Variants in FXYD6 observed in about 807,000 individuals in gnomAD.
FXYD6 encodes FXYD domain containing ion transport regulator 6, also known as FXYD domain-containing ion transport regulator 6.
In FXYD6, 7 loss-of-function variants were observed where a neutral mutation model predicts 16.7. The ratio of observed to expected loss-of-function variants is 0.42; its 90% CI spans 0.24 to 0.79. The LOEUF is 0.79. Ranked by LOEUF, FXYD6 falls within the 30% of genes least tolerant of loss-of-function variation. FXYD6 has a pLI of 0.28. For synonymous variants in FXYD6, 49 were observed against 43.0 expected, an observed-to-expected ratio of 1.14 and a Z score of -0.54; for missense variants, 111 against 116.2, an observed-to-expected ratio of 0.95 and a Z score of 0.21.
intron 1 of FXYD6, among the ~76,000 whole-genome samples, chr11:117,864,653 C>CTCGGCTG (rs2056976627): frequency 6.6e-6 from 1 of 152,098 alleles, no homozygotes; most frequent in South Asian, 2.1e-4. Context: ...ACGGCTCAAT[C>CTCGGCTG]TCGGCTGACT....
chr11:117,862,811 A>G (rs2056938142), intron 1 of FXYD6, among the ~76,000 whole-genome samples: 1 of 152,154 alleles, frequency 6.6e-6, no homozygotes, highest in South Asian at 2.1e-4. Flanking sequence ...GGTCACGGCA[A>G]GATGTATCAA....
chr11:117,840,483 C>G, intron 5 of FXYD6, 115 bp from the exon 6 acceptor site: 2 of 1,399,156 alleles, frequency 1.4e-6, no homozygotes, highest in Non-Finnish European at 2.0e-6. Flanking sequence ...TCCCAGTGCC[C>G]TGAGGGGCTG....
rs1283599548 is a variant in FXYD6 at position 117,872,287 on chromosome 11, T to C, written c.-6+4305A>G. Among the ~76,000 whole-genome samples, 1 of 151,708 alleles carries C rather than the reference T, an allele frequency of 6.6e-6. No homozygotes were observed. The highest frequency in any genetic ancestry group is 6.6e-5 in the Admixed American group (1 of 15,244). On this transcript the variant is annotated intron_variant, in intron 1 of 7. Transcript: ENST00000526014. This position sits in a 1 kb window ranked among gnomAD's most constrained non-coding sequence, Gnocchi z 4.9. ...GTGAGGAAGGGAACGTGTGTGAGAG[T>C]GTAAGTGCACCCGTGATTGCATGGA...
At chr11:117,866,783 G>T (rs2057022723) in intron 1 of FXYD6, among the ~76,000 whole-genome samples, 1 of 152,202 alleles carries the variant, frequency 6.6e-6, no homozygotes, top group African/African-American at 2.4e-5. Flanking sequence ...CAGACCAGTT[G>T]TAGGCTATCC....
In FXYD6 at chr11:117,864,884, C is replaced by T. The variant is rs921285010; in HGVS notation, c.-6+11708G>A. On this transcript the variant is annotated intron_variant, in intron 1 of 7. Coordinates refer to ENST00000526014, the MANE Select transcript of FXYD6 (RefSeq NM_022003.4). ...ACAGACATGGGTCACCGCGTCTGGC[C>T]GAAAAATTGGACTTTATAAAAATGT... 1.1e-4 allele frequency among the ~76,000 whole-genome samples: 16 copies of T among 152,022 alleles called. 1 individual carries two copies. The highest frequency in any genetic ancestry group is 6.8e-3 in the Middle Eastern group (2 of 294).
intron 1 of FXYD6, among the ~76,000 whole-genome samples, chr11:117,855,180 A>T (rs908109732): frequency 3.3e-5 from 5 of 152,168 alleles, no homozygotes; most frequent in African/African-American, 1.2e-4. Context: ...AAGAGTTAAG[A>T]CCTGCCTTTG....
intron 1 of FXYD6, among the ~76,000 whole-genome samples, chr11:117,875,155 T>C (rs1018600421): frequency 6.6e-6 from 1 of 151,950 alleles, no homozygotes. Flanking sequence ...AGTGTAGCAT[T>C]GTAGCTGGTG....
upstream of FXYD6, chr11:117,876,868 T>G (rs1046577289): frequency 1.3e-5 from 2 of 152,232 alleles, no homozygotes; most frequent in African/African-American, 4.8e-5. Context: ...TCCCTGTCCG[T>G]CCTCCCGCTC....
intron 1 of FXYD6, among the ~76,000 whole-genome samples, chr11:117,854,309 G>A (rs2056675056): frequency 6.6e-6 from 1 of 152,236 alleles, no homozygotes; most frequent in Non-Finnish European, 1.5e-5. Context: ...CCGGAAGAGG[G>A]AGTGCAGTGT....
chr11:117,855,309 CCA>C (rs1272629293), intron 1 of FXYD6, among the ~76,000 whole-genome samples: 1 of 152,360 alleles, frequency 6.6e-6, no homozygotes, highest in East Asian at 1.9e-4. Flanking sequence ...GCTACATCAA[CCA>C]CACCTCAGCA....
Position 117,870,633 on chromosome 11 carries a change from G to A in FXYD6, c.-6+5959C>T, listed in dbSNP as rs931799454. Among the ~76,000 whole-genome samples, 22 of 152,224 alleles carry A rather than the reference G, an allele frequency of 1.4e-4. No homozygotes were observed. The highest frequency in any genetic ancestry group is 4.4e-5 in the Non-Finnish European group (3 of 68,046). ...ACAATTTCATATTGTCTCCCTTTTA[G>A]GGGTAGAAGTGGCATGAAGATGAAC... On this transcript the variant is annotated intron_variant, in intron 1 of 7. Coordinates refer to ENST00000526014, the MANE Select transcript of FXYD6 (RefSeq NM_022003.4). This position sits in a 1 kb window ranked among gnomAD's most constrained non-coding sequence, Gnocchi z 4.2.
intron 1 of FXYD6, among the ~76,000 whole-genome samples, chr11:117,858,727 T>TC (rs2056825070): frequency 2.2e-5 from 1 of 46,376 alleles, no homozygotes; most frequent in Non-Finnish European, 3.9e-5. Context: ...TTCCTTCCCT[T>TC]CCTTCCTTCC....
intron 1 of FXYD6, among the ~76,000 whole-genome samples, chr11:117,860,271 C>A (rs1032762455): frequency 1.3e-5 from 2 of 152,162 alleles, no homozygotes; most frequent in African/African-American, 4.8e-5. Context: ...CCATGAGGGG[C>A]CACCTGCACT....
At chr11:117,847,607 T>C (rs1332946436) in intron 1 of FXYD6, among the ~76,000 whole-genome samples, 4 of 148,446 alleles carry the variant, frequency 2.7e-5, no homozygotes, top group South Asian at 4.4e-4. Context: ...AGTGAGAACA[T>C]GCGGTGTTTG....
At chr11:117,858,685 TTCTTTCTTTCTTTCTTTCTC>T (rs1332609403) in intron 1 of FXYD6, among the ~76,000 whole-genome samples, 12 of 86,994 alleles carry the variant, frequency 1.4e-4, no homozygotes, top group Non-Finnish European at 2.6e-4. Flanking sequence ...CTTTCTTTCT[TTCTTTCTTTCTTTCTTTCTC>T]TCTCTCTCTC....
intron 1 of FXYD6, among the ~76,000 whole-genome samples, chr11:117,863,943 A>C (rs2056961384): frequency 6.6e-6 from 1 of 152,214 alleles, no homozygotes; most frequent in Non-Finnish European, 1.5e-5. Flanking sequence ...CAAAGAAATT[A>C]AAGAAGATGT....
At position 117,872,203 on chromosome 11, in the gene FXYD6, G is replaced by A. The variant is rs771967020; in HGVS notation, c.-6+4389C>T. Among the ~76,000 whole-genome samples the A allele has an allele frequency of 5.9e-5, 9 of 152,216 alleles. No individual in the cohort carries two copies. The highest frequency in any genetic ancestry group is 2.1e-4 in the South Asian group (1 of 4,836). On this transcript the variant is annotated intron_variant, in intron 1 of 7. Coordinates refer to ENST00000526014, the MANE Select transcript of FXYD6 (RefSeq NM_022003.4). This position sits in a 1 kb window ranked among gnomAD's most constrained non-coding sequence, Gnocchi z 4.9. ...CTGCAGCTCTTCGGGAGAGGTGACA[G>A]GGCGTGTGAGAATGTGTGAGCCACT...
chr11:117,842,272 C>T (rs971086669), intron 2 of FXYD6: 1 of 599,702 alleles, frequency 1.7e-6, no homozygotes, highest in Non-Finnish European at 3.0e-6. Context: ...GCAACACCCA[C>T]ATTCATTGCC....
chr11:117,853,825 T>C (rs1565319589), intron 1 of FXYD6, among the ~76,000 whole-genome samples: 1 of 152,236 alleles, frequency 6.6e-6, no homozygotes, highest in East Asian at 1.9e-4. Flanking sequence ...TTTTGTTTTG[T>C]CTTTTTGGTA....
Sources: gnomAD v4.1 joint callset for allele counts (sites outside exome capture counted in the v4.1 genomes callset) on GRCh38, gnomAD v4.1.1 for gene constraint, Gnocchi (gnomAD v3.1) non-coding constraint, MANE v1.5 for transcripts, NCBI Gene and HGNC (gene_info 2026-07-23, HGNC 2026-07-21) for gene names.